The following MCTP1 variants were observed in gnomAD, a reference collection of about 807,000 sequenced individuals.
The protein encoded by MCTP1 is multiple C2 and transmembrane domain-containing protein 1.
A neutral mutation model predicts 120.6 loss-of-function variants in MCTP1; 69 were observed. The observed-to-expected ratio is 0.57, with a 90% CI of 0.47 to 0.70. The LOEUF is 0.70. MCTP1 is among the 30% of genes least tolerant of loss of function. The pLI is 0.00. For missense variants in MCTP1, 1,203 were observed against 1,248.8 expected (o/e 0.96, Z 0.55); for synonymous variants, 529 against 493.1 (o/e 1.07, Z -0.96).
chr5:94,945,756 G>T (rs1818749773), intron 3 of MCTP1, among the ~76,000 whole-genome samples: 1 of 152,210 alleles, frequency 6.6e-6, no homozygotes, highest in Admixed American at 6.5e-5. Flanking sequence ...GTTCAGAAAG[G>T]ACAACGAGAG....
intron 1 of MCTP1, among the ~76,000 whole-genome samples, chr5:95,181,042 T>C (rs1372962713): frequency 6.6e-6 from 1 of 152,206 alleles, no homozygotes; most frequent in Non-Finnish European, 1.5e-5. Flanking sequence ...CCTGAACTGC[T>C]GCAAAAACCT....
chr5:95,085,486 C>A (rs1755362555), intron 1 of MCTP1, among the ~76,000 whole-genome samples: 1 of 150,704 alleles, frequency 6.6e-6, no homozygotes, highest in African/African-American at 2.4e-5. Context: ...TGCTGTACAG[C>A]ATTGCAATTT....
intron 19 of MCTP1, among the ~76,000 whole-genome samples, chr5:94,724,690 T>C (rs1308616585): frequency 6.6e-6 from 1 of 152,204 alleles, no homozygotes; most frequent in African/African-American, 2.4e-5. Context: ...TGGGAGGTTC[T>C]GGAATAGATC....
chr5:95,098,386 A>G (rs1354295954), intron 1 of MCTP1, among the ~76,000 whole-genome samples: 1 of 152,214 alleles, frequency 6.6e-6, no homozygotes, highest in African/African-American at 2.4e-5. Context: ...ATTTTGTTTT[A>G]GTGTTTTCTG....
chr5:94,886,364 ATCTT>A (rs1801324720), intron 12 of MCTP1, among the ~76,000 whole-genome samples: 1 of 152,214 alleles, frequency 6.6e-6, no homozygotes, highest in Non-Finnish European at 1.5e-5. Flanking sequence ...AGACTATAGA[ATCTT>A]TCTTTCCTGT....
chr5:94,736,666 C>T (rs897149708), intron 19 of MCTP1, among the ~76,000 whole-genome samples: 2 of 152,256 alleles, frequency 1.3e-5, no homozygotes, highest in African/African-American at 4.8e-5. Flanking sequence ...CATACACACA[C>T]ACCCTTGCAT....
chr5:95,177,407 A>AAT (rs1748124605), intron 1 of MCTP1, among the ~76,000 whole-genome samples: 1 of 152,210 alleles, frequency 6.6e-6, no homozygotes, highest in African/African-American at 2.4e-5. Context: ...TAATTCTATG[A>AAT]TCCATTGGCT....
intron 1 of MCTP1, among the ~76,000 whole-genome samples, chr5:95,033,507 G>A (rs1352223847): frequency 6.6e-6 from 1 of 151,990 alleles, no homozygotes; most frequent in Non-Finnish European, 1.5e-5. Context: ...AGCAGAAAAA[G>A]CACGTCATAA....
chr5:95,175,281 T>C (rs906697259), intron 1 of MCTP1, among the ~76,000 whole-genome samples: 1 of 152,226 alleles, frequency 6.6e-6, no homozygotes, highest in Non-Finnish European at 1.5e-5. Context: ...TATTGTCAGA[T>C]GAGTTTTCAA....
At chr5:94,861,692 T>C (rs1795815793) in intron 17 of MCTP1, among the ~76,000 whole-genome samples, 1 of 151,814 alleles carries the variant, frequency 6.6e-6, no homozygotes, top group South Asian at 2.1e-4. Context: ...GAAATCACAA[T>C]TGCAAAGTAG....
chr5:95,040,641 C>T (rs1842182214), intron 1 of MCTP1, among the ~76,000 whole-genome samples: 1 of 152,046 alleles, frequency 6.6e-6, no homozygotes, highest in South Asian at 2.1e-4. Flanking sequence ...TCCAAACAGA[C>T]CCCAGTTTCC....
intron 19 of MCTP1, among the ~76,000 whole-genome samples, chr5:94,736,116 T>C (rs1764173781): frequency 2.0e-5 from 3 of 152,220 alleles, no homozygotes; most frequent in Admixed American, 2.0e-4. Flanking sequence ...ATTTGAAAGA[T>C]TCAATTATAC....
At chr5:95,004,909 G>A (rs1834397335) in intron 2 of MCTP1, among the ~76,000 whole-genome samples, 1 of 152,144 alleles carries the variant, frequency 6.6e-6, no homozygotes, top group African/African-American at 2.4e-5. Context: ...GTGAGGAGAG[G>A]GCAACCAGAC....
At chr5:94,859,759 G>T (rs499927) in intron 17 of MCTP1, among the ~76,000 whole-genome samples, 135,731 of 151,672 alleles carry the variant, frequency 0.89, 60,841 homozygotes, top group East Asian at 0.98. Context: ...CTAACATCAC[G>T]TCAAAATATA....
intron 19 of MCTP1, among the ~76,000 whole-genome samples, chr5:94,773,350 T>G (rs926654106): frequency 2.0e-5 from 3 of 152,212 alleles, no homozygotes; most frequent in Non-Finnish European, 4.4e-5. Flanking sequence ...ATTTGTTTAT[T>G]GTAGCATAGT....
In MCTP1 at chr5:94,894,711, A is replaced by G. The variant is rs373064995; in HGVS notation, c.1777T>C (p.Ser593Pro). 1 of 1,613,718 alleles carries G rather than the reference A, an allele frequency of 6.2e-7. No homozygotes were observed. The highest frequency in any genetic ancestry group is 8.5e-7 in the Non-Finnish European group (1 of 1,179,748). ...TCCAGGGAGTTGACAGACAGGTCAG[A>G]GATGCTGACTGTGGCTGATGCTGTC... ...TLTASATVSISDLSVNSLEDQ... is the reference protein window; with the variant it reads ...TLTASATVSIPDLSVNSLEDQ... The change falls in exon 11 of 23, where the codon TCT becomes CCT. Residue 593 changes from serine (S) to proline (P), a missense_variant. Around this residue, in one of 2 missense-constraint regions of MCTP1, gnomAD observed 740 missense variants for 871.1 expected, o/e 0.85. Coordinates refer to ENST00000515393, the MANE Select transcript of MCTP1 (RefSeq NM_024717.7).
At chr5:94,816,684 G>A (rs898294263) in intron 17 of MCTP1, among the ~76,000 whole-genome samples, 1 of 152,048 alleles carries the variant, frequency 6.6e-6, no homozygotes, top group Non-Finnish European at 1.5e-5. Context: ...TTTAGGGTAA[G>A]GCAAACATTT....
At chr5:95,142,490 T>C (rs1235302171) in intron 1 of MCTP1, among the ~76,000 whole-genome samples, 2 of 152,216 alleles carry the variant, frequency 1.3e-5, no homozygotes, top group East Asian at 1.9e-4. Context: ...TGCAGACATA[T>C]GTGATCAAAG....
chr5:95,053,535 G>C (rs1260652310), intron 1 of MCTP1, among the ~76,000 whole-genome samples: 1 of 152,152 alleles, frequency 6.6e-6, no homozygotes, highest in Non-Finnish European at 1.5e-5. Flanking sequence ...CACGACTATT[G>C]AGAGACCACG....
Sources: allele counts gnomAD v4.1 joint callset (sites outside exome capture counted in the v4.1 genomes callset), GRCh38; gene constraint gnomAD v4.1.1; regional missense constraint gnomAD v4.1.1; transcripts MANE v1.5; gene names NCBI Gene and HGNC (gene_info 2026-07-23, HGNC 2026-07-21).